USP24: variants seen among roughly 807,000 people sequenced by gnomAD.
USP24 encodes the protein ubiquitin carboxyl-terminal hydrolase 24.
USP24 carries 97 observed loss-of-function variants against 361.6 expected under a neutral mutation model. The observed-to-expected ratio is 0.27, with a 90% CI of 0.23 to 0.32. USP24 has a LOEUF of 0.32. USP24 is among the 10% of genes least tolerant of loss of function. The probability of loss-of-function intolerance (pLI) is 1.00; values close to 1 mark genes in which losing one functional copy is unlikely to be tolerated. For synonymous variants in USP24, 1,098 were observed against 1,124.6 expected (o/e 0.98, Z 0.47); for missense variants, 2,353 against 3,165.6 (o/e 0.74, Z 6.16).
At position 55,079,565 on chromosome 1, in the gene USP24, C is replaced by A; in HGVS notation, c.7173G>T (p.Met2391Ile). The A allele has an allele frequency of 6.3e-7, 1 of 1,577,202 alleles. No individual in the cohort carries two copies. Among genetic ancestry groups the A allele is most frequent in the Non-Finnish European group, 8.6e-7 (1 of 1,167,830 alleles). Residue 2391 changes from methionine (M) to isoleucine (I), a missense_variant, in exon 60 of 68, where the codon ATG (methionine) becomes ATT (isoleucine). Physicochemically the swap from Met to Ile is conservative, Grantham distance 10. Transcript: ENST00000294383. The stretch of plus-strand genomic sequence containing the variant: ...CTAACAGGTAAGGTTTCCCTTCAGA[C>A]ATGAACAACAAGGCTTCTACCTCCT... ...LHEEVEALLF[M>I]SEGKPYLLEV...
intron 15 of USP24, 98 bp from the exon 16 acceptor site, chr1:55,154,015 C>T: frequency 6.4e-7 from 1 of 1,568,424 alleles, no homozygotes; most frequent in Non-Finnish European, 8.7e-7. Flanking sequence ...CCAGATATGG[C>T]ATTTAGTTTA....
intron 44 of USP24, 47 bp from the exon 45 acceptor site, chr1:55,099,916 T>C (rs1419909490): frequency 7.2e-7 from 1 of 1,385,178 alleles, no homozygotes; most frequent in Non-Finnish European, 9.9e-7. Context: ...TAGCAATTTC[T>C]GAATGTGGTA....
At chr1:55,072,066 C>CCCT in intron 66 of USP24, 142 bp from the exon 67 acceptor site, 3 of 786,812 alleles carry the variant, frequency 3.8e-6, no homozygotes, top group Non-Finnish European at 6.3e-6. Flanking sequence ...CACCAGAACC[C>CCCT]CCTCAACCCC....
At chr1:55,099,471 T>A (rs977515979) in intron 45 of USP24, among the ~76,000 whole-genome samples, 6 of 151,818 alleles carry the variant, frequency 4.0e-5, no homozygotes, top group Non-Finnish European at 5.9e-5. Flanking sequence ...GGTGCAAGAA[T>A]CTCTTGTACC....
intron 53 of USP24, 65 bp downstream of exon 53, chr1:55,092,756 G>T: frequency 2.5e-6 from 3 of 1,203,380 alleles, no homozygotes; most frequent in African/African-American, 1.6e-5. Flanking sequence ...ATCACTGAAT[G>T]CTTTAGCTAA....
chr1:55,069,266 C>T (rs890142362), intron 67 of USP24, among the ~76,000 whole-genome samples, 159 bp from the exon 68 acceptor site: 1 of 152,212 alleles, frequency 6.6e-6, no homozygotes, highest in Non-Finnish European at 1.5e-5. Flanking sequence ...TAATATTTGA[C>T]AATTCATGAT....
chr1:55,120,823 AT>A (rs1646259074), intron 37 of USP24, 67 bp from the exon 38 acceptor site: 1 of 1,427,030 alleles, frequency 7.0e-7, no homozygotes, highest in Non-Finnish European at 9.2e-7. Context: ...TTAAAAAGTG[AT>A]TTTCTTCCAA....
At chr1:55,174,882 T>C (rs1391417945) in intron 3 of USP24, among the ~76,000 whole-genome samples, 1 of 152,220 alleles carries the variant, frequency 6.6e-6, no homozygotes, top group Non-Finnish European at 1.5e-5. Context: ...CTCCCGCTTT[T>C]GGCCTCACAA....
At chr1:55,086,963 C>G (rs17111592) in intron 55 of USP24, among the ~76,000 whole-genome samples, 1 of 152,006 alleles carries the variant, frequency 6.6e-6, no homozygotes, top group Non-Finnish European at 1.5e-5. Context: ...TGTTAGTAGT[C>G]TGAATTCTTT....
At chr1:55,198,104 C>G (rs1250250782) in intron 1 of USP24, among the ~76,000 whole-genome samples, 1 of 151,756 alleles carries the variant, frequency 6.6e-6, no homozygotes, top group Non-Finnish European at 1.5e-5. Flanking sequence ...GGAATAAAAC[C>G]CCACTGAAAG....
At chr1:55,147,120 T>TAAAAC (rs1207927164) in intron 18 of USP24, 60 bp from the exon 19 acceptor site, 1 of 1,454,178 alleles carries the variant, frequency 6.9e-7, no homozygotes, top group African/African-American at 1.5e-5. Context: ...AAAGCAACAT[T>TAAAAC]AAAACAAAAC....
chr1:55,154,830 T>C, intron 12 of USP24, 52 bp from the exon 13 acceptor site: 1 of 1,431,226 alleles, frequency 7.0e-7, no homozygotes, highest in Non-Finnish European at 9.7e-7. Flanking sequence ...CGGAACAACC[T>C]AAGTCTTCCC....
intron 1 of USP24, among the ~76,000 whole-genome samples, chr1:55,182,208 C>T (rs991740990): frequency 5.9e-5 from 9 of 152,112 alleles, no homozygotes; most frequent in East Asian, 1.9e-4. Context: ...TGTGCCACCA[C>T]GCCCGGCTAA....
At chr1:55,079,826 T>C (rs992141722) in intron 59 of USP24, among the ~76,000 whole-genome samples, 167 bp from the exon 60 acceptor site, 3 of 150,456 alleles carry the variant, frequency 2.0e-5, no homozygotes, top group Non-Finnish European at 3.0e-5. Context: ...CGCAGAGTAC[T>C]TGCACACACA....
At chr1:55,158,071 C>T (rs980771488) in intron 10 of USP24, among the ~76,000 whole-genome samples, 2 of 152,172 alleles carry the variant, frequency 1.3e-5, no homozygotes, top group Non-Finnish European at 2.9e-5. Context: ...TATTCATTGT[C>T]TTGATCTCTA....
chr1:55,208,560 C>T (rs549265123), intron 1 of USP24, among the ~76,000 whole-genome samples: 6 of 151,948 alleles, frequency 3.9e-5, no homozygotes, highest in East Asian at 3.9e-4. Context: ...ACCTGGGAGG[C>T]GGAGGTTGCA....
At position 55,147,733 on chromosome 1, in the gene USP24, A is replaced by G; in HGVS notation, c.2034T>C (p.Ala678=). ...IVKLVTGSLI[A]CHRLAAAVAG... ...CCACAGCAGCTGCAAGCCGATGACA[A>G]GCGATCAAACTTCCCGTTACCAATT... Residue 678 remains alanine (A), a synonymous_variant, in exon 18 of 68, where the codon GCT becomes GCC. Coordinates refer to ENST00000294383, the MANE Select transcript of USP24 (RefSeq NM_015306.3). 1 of 1,612,926 alleles carries G rather than the reference A, an allele frequency of 6.2e-7. No homozygotes were observed. Among genetic ancestry groups the G allele is most frequent in the Non-Finnish European group, 8.5e-7 (1 of 1,179,368 alleles).
At chr1:55,140,948 C>T (rs1646871980) in intron 24 of USP24, among the ~76,000 whole-genome samples, 1 of 152,146 alleles carries the variant, frequency 6.6e-6, no homozygotes, top group Admixed American at 6.5e-5. Flanking sequence ...ACAGCAGACA[C>T]TAAACTCAAG....
At position 55,079,652 on chromosome 1, in the gene USP24, G is replaced by C; in HGVS notation, c.7086C>G (p.Gly2362=). ...DVSSQRNVAP[G]IFKQRPPISI... ...TAATGGGTGGTCGTTGCTTAAATAT[G>C]CCAGGAGCTTTAGGAGACCAAAGAA... The change falls in exon 60 of 68, where the codon GGC becomes GGG. Residue 2362 remains glycine, a synonymous_variant. Coordinates refer to ENST00000294383, the MANE Select transcript of USP24 (RefSeq NM_015306.3). The C allele has an allele frequency of 6.5e-7, 1 of 1,535,524 alleles. No individual in the cohort carries two copies. The highest frequency in any genetic ancestry group is 8.7e-7 in the Non-Finnish European group (1 of 1,151,834).
Sources: gnomAD v4.1 joint callset for allele counts (sites outside exome capture counted in the v4.1 genomes callset) on GRCh38, gnomAD v4.1.1 for gene constraint, MANE v1.5 for transcripts, NCBI Gene and HGNC (gene_info 2026-07-23, HGNC 2026-07-21) for gene names.